The following HSPG2 variants were observed in gnomAD, a reference collection of about 807,000 sequenced individuals.
HSPG2 encodes the protein heparan sulfate proteoglycan 2, also known as basement membrane-specific heparan sulfate proteoglycan core protein.
Under a neutral mutation model 526.6 loss-of-function variants are expected in HSPG2, and 278 were observed. The observed-to-expected ratio is 0.53, with a 90% CI of 0.48 to 0.58. The LOEUF (loss-of-function observed/expected upper bound fraction) is 0.58, where lower values mean the gene tolerates loss of function less well. HSPG2 is among the 20% of genes least tolerant of loss of function. The probability of loss-of-function intolerance (pLI) is 0.00; values close to 1 mark genes in which losing one functional copy is unlikely to be tolerated. For synonymous variants in HSPG2, 2,465 were observed against 2,555.4 expected (o/e 0.96, Z 1.07); for missense variants, 5,354 against 6,099.5 (o/e 0.88, Z 4.07).
intron 3 of HSPG2, among the ~76,000 whole-genome samples, chr1:21,894,468 G>A (rs1256241064): frequency 6.6e-6 from 1 of 152,170 alleles, no homozygotes; most frequent in Non-Finnish European, 1.5e-5. Flanking sequence ...CCCAAGGGCA[G>A]CTGGCAGGAG....
Position 21,824,869 on chromosome 1 carries a change from A to C in HSPG2, c.12590-90T>G, listed in dbSNP as rs1414840520. On this transcript the variant is annotated intron_variant, in intron 91 of 96. Transcript: ENST00000374695. This position sits in a 1 kb window ranked among gnomAD's most constrained non-coding sequence, Gnocchi z 5.9. ...CCCTGACCCCCACCTCCACGCCAAC[A>C]TGCAGGACTAGGGGGCTCCGAGCCT... 5.1e-6 allele frequency: 6 copies of C among 1,187,794 alleles called. No homozygotes were observed. Among genetic ancestry groups the C allele is most frequent in the South Asian group, 1.3e-5 (1 of 76,498 alleles). 73.6% of individuals were successfully genotyped at this position (1,187,794 alleles called of 1,614,324 possible).
At chr1:21,922,082 G>A (rs1238317737) in intron 1 of HSPG2, among the ~76,000 whole-genome samples, 2 of 152,178 alleles carry the variant, frequency 1.3e-5, no homozygotes, top group Non-Finnish European at 1.5e-5. Context: ...GGGCTCTCTC[G>A]AAGGAGGAAA....
rs769131976 is a variant in HSPG2 at position 21,857,052 on chromosome 1, A to G, written c.5538T>C (p.Phe1846=). ...GAGTGGCTGTGCCCTGGTCCATGGC[A>G]AACATGTTGGAGCCGGTGCACACGT... ...GTYVCTGSNM[F]AMDQGTATLH... is the part of the protein sequence containing the mutation. The change falls in exon 44 of 97, where the codon TTT becomes TTC. Residue 1846 remains phenylalanine, a synonymous_variant. Coordinates refer to ENST00000374695, the MANE Select transcript of HSPG2 (RefSeq NM_005529.7). 3 of 1,614,208 alleles carry G rather than the reference A, an allele frequency of 1.9e-6. No individual in the cohort carries two copies. The East Asian group carries it at 6.7e-5, about 36-fold the overall frequency.
intron 19 of HSPG2, 36 bp downstream of exon 19, chr1:21,878,541 A>C (rs2152751700): frequency 6.2e-7 from 1 of 1,613,854 alleles, no homozygotes; most frequent in South Asian, 1.1e-5. Flanking sequence ...CCCACCCAGG[A>C]GCCCCCTTCC....
rs368430410 is a variant in HSPG2, at chr1:21,896,287, G to A, written c.87C>T (p.Tyr29=). ...LLAVTHGLRA[Y]DGLSLPEDIE... is the part of the protein sequence containing the mutation. Reference sequence around the variant, plus strand: ...TGTCCTCAGGCAGAGACAAGCCATCGTATGCCCTCAGCCCATGGGTCACCT... The same window carrying A: ...TGTCCTCAGGCAGAGACAAGCCATCATATGCCCTCAGCCCATGGGTCACCT... Residue 29 remains tyrosine, a synonymous_variant, in exon 2 of 97, where the codon TAC becomes TAT. Coordinates refer to ENST00000374695, the MANE Select transcript of HSPG2 (RefSeq NM_005529.7). The A allele has an allele frequency of 2.2e-4, 359 of 1,613,526 alleles. 1 individual carries two copies. The highest frequency in any genetic ancestry group is 1.7e-4 in the Middle Eastern group (1 of 6,060).
At position 21,874,640 on chromosome 1, in the gene HSPG2, G is replaced by A. The variant is rs142789492; in HGVS notation, c.3504C>T (p.Cys1168=). 4.3e-5 allele frequency: 70 copies of A among 1,613,608 alleles called. No individual in the cohort carries two copies. The highest frequency in any genetic ancestry group is 8.9e-5 in the East Asian group (4 of 44,870). ...RCSCHGHSEA[C]EPETGACQGC... is the part of the protein sequence containing the mutation. ...CCTGGCAGGCACCTGTTTCTGGCTC[G>A]CAGGCCTCTGAGTGGCCATGGCAGC... is the stretch of plus-strand genomic sequence containing the variant. Residue 1168 remains cysteine, a synonymous_variant, in exon 27 of 97, where the codon TGC becomes TGT. Transcript: ENST00000374695.
In HSPG2 at chr1:21,884,574, G is replaced by A. The variant is rs1641739600; in HGVS notation, c.1608C>T (p.Phe536=). ...CAAAGCGCAGCCTGATCTGGTCCCG[G>A]AAGCGGCGGGTGCTCTGGCACACGC... ...ITSVCQSTRR[F]RDQIRLRFDQ... The change falls in exon 13 of 97, where the codon TTC becomes TTT. Residue 536 remains phenylalanine, a synonymous_variant. Transcript: ENST00000374695. The A allele has an allele frequency of 6.2e-7, 1 of 1,610,810 alleles. No homozygotes were observed. Among genetic ancestry groups the A allele is most frequent in the Admixed American group, 1.7e-5 (1 of 59,998 alleles).
chr1:21,933,878 C>T (rs570690836), intron 1 of HSPG2, among the ~76,000 whole-genome samples: 11 of 152,340 alleles, frequency 7.2e-5, no homozygotes, highest in African/African-American at 2.2e-4. Context: ...GCTGAGGGAC[C>T]GCCAGGAAGG....
Position 21,848,653 on chromosome 1 carries a change from C to T in HSPG2, c.7727G>A (p.Ser2576Asn), listed in dbSNP as rs937493496. 1.9e-6 allele frequency: 3 copies of T among 1,613,248 alleles called. No homozygotes were observed. The African/African-American group carries it at 4.0e-5, about 22-fold the overall frequency. ...CTGCTGGCCCTGTACCTGGTGCCGG[C>T]TGGGTAAGCTGCCTCCACGCTTATA... ...TWYKRGGSLP[S>N]RHQIVGSRLR... The change falls in exon 59 of 97, where the codon AGC (serine) becomes AAC (asparagine). Residue 2576 changes from serine to asparagine, a missense_variant. By Grantham distance (46) the Ser-to-Asn change is conservative (BLOSUM62 1). Transcript: ENST00000374695. The surrounding 1 kb of genome is among the most constrained non-coding windows in gnomAD (Gnocchi z 4.9).
At chr1:21,851,295 T>A (rs1439956126) in intron 55 of HSPG2, 10 of 573,858 alleles carry the variant, frequency 1.7e-5, no homozygotes, top group Non-Finnish European at 3.1e-5. Flanking sequence ...TGTTACCATT[T>A]TATAGGCCCT....
At chr1:21,879,496 C>T (rs964300581) in intron 17 of HSPG2, among the ~76,000 whole-genome samples, 1 of 152,196 alleles carries the variant, frequency 6.6e-6, no homozygotes, top group Non-Finnish European at 1.5e-5. Flanking sequence ...TCCCAGCTCT[C>T]GCCACTATTC....
rs1463012656 is a variant in HSPG2, at chr1:21,876,338, T to G, written c.2894A>C (p.Asn965Thr). The G allele has an allele frequency of 3.1e-6, 5 of 1,613,728 alleles. No individual in the cohort carries two copies. The highest frequency in any genetic ancestry group is 2.7e-5 in the African/African-American group (2 of 74,890). Residue 965 changes from asparagine (N) to threonine (T), a missense_variant, in exon 23 of 97, where the codon AAC (asparagine) becomes ACC (threonine). Coordinates refer to ENST00000374695, the MANE Select transcript of HSPG2 (RefSeq NM_005529.7). ...LTNAASTHTT[N>T]EGIFSPTPGE... is the part of the protein sequence containing the mutation. ...GGGCGTGGGGGAGAAGATGCCCTCG[T>G]TGGTGGTGTGGGTGCTTGCGGCGTT... is the stretch of plus-strand genomic sequence containing the variant.
chr1:21,837,561 T>C (rs1003758012), intron 74 of HSPG2, among the ~76,000 whole-genome samples: 7 of 151,794 alleles, frequency 4.6e-5, no homozygotes, highest in Non-Finnish European at 1.0e-4. Flanking sequence ...GGTGCTAGGA[T>C]TACAGGCGTG....
At position 21,908,376 on chromosome 1, in the gene HSPG2, T is replaced by C. The variant is rs1487211433; in HGVS notation, c.64-12066A>G. 7.4e-6 allele frequency: 8 copies of C among 1,076,440 alleles called. No individual in the cohort carries two copies. The East Asian group carries it at 1.7e-4, about 23-fold the overall frequency. The allele number at this position is 1,076,440 out of a possible 1,614,324, so 66.7% of individuals were successfully genotyped here. A position where few individuals can be genotyped will look rare whatever the true frequency, so the allele number is the denominator to read the frequency against. The stretch of plus-strand genomic sequence containing the variant: ...TTGCCAAGAGAATTAATGTGCGTAT[T>C]GAGCACATTAAGCACTCTGAGAGCC... On this transcript the variant is annotated intron_variant, in intron 1 of 96. Transcript: ENST00000374695.
chr1:21,864,802 C>G lies in HSPG2; in HGVS notation c.4626+41G>C, dbSNP rs766937967. ...CCGGCTGATTTGCTTGCTGATGCCT[C>G]TGTGCCTGTGCAGAGGTGGTGGAGC... On this transcript the variant is annotated intron_variant, in intron 36 of 96. Transcript: ENST00000374695. This position sits in a 1 kb window ranked among gnomAD's most constrained non-coding sequence, Gnocchi z 4.8. 3.9e-6 allele frequency: 6 copies of G among 1,536,544 alleles called. No homozygotes were observed. Among genetic ancestry groups the G allele is most frequent in the South Asian group, 1.2e-5 (1 of 86,240 alleles).
intron 64 of HSPG2, among the ~76,000 whole-genome samples, chr1:21,844,503 C>T (rs751485382): frequency 1.3e-4 from 20 of 152,226 alleles, no homozygotes; most frequent in Non-Finnish European, 2.5e-4. Flanking sequence ...GGCAATGGCC[C>T]CACCATCTCC....
chr1:21,839,012 C>T lies in HSPG2; in HGVS notation c.9963G>A (p.Leu3321=), dbSNP rs1557691386. 5.6e-6 allele frequency: 9 copies of T among 1,608,300 alleles called. No homozygotes were observed. The highest frequency in any genetic ancestry group is 7.7e-6 in the Non-Finnish European group (9 of 1,175,426). ...QAGETVQLQC[L]AHGTPPLTFQ... ...AGGTGAGTGGGGGTGTCCCGTGAGC[C>T]AGGCACTGGAGCTGCACCGTCTCCC... is the stretch of plus-strand genomic sequence containing the variant. The change falls in exon 74 of 97, where the codon CTG becomes CTA. Residue 3321 remains leucine, a synonymous_variant. Coordinates refer to ENST00000374695, the MANE Select transcript of HSPG2 (RefSeq NM_005529.7). This position sits in a 1 kb window ranked among gnomAD's most constrained non-coding sequence, Gnocchi z 4.5.
At chr1:21,849,778 C>T (rs2152716229) in intron 57 of HSPG2, among the ~76,000 whole-genome samples, 1 of 152,182 alleles carries the variant, frequency 6.6e-6, no homozygotes, top group East Asian at 1.9e-4. Flanking sequence ...CTCCTGGGTT[C>T]AGGCGATTCT....
chr1:21,824,888 C>T lies in HSPG2; in HGVS notation c.12590-109G>A, dbSNP rs1347471387. ...GCCAACATGCAGGACTAGGGGGCTC[C>T]GAGCCTGCAGTCCCTGGGGACCCAC... On this transcript the variant is annotated intron_variant, in intron 91 of 96. Coordinates refer to ENST00000374695, the MANE Select transcript of HSPG2 (RefSeq NM_005529.7). This position sits in a 1 kb window ranked among gnomAD's most constrained non-coding sequence, Gnocchi z 5.9. 21 of 1,033,152 alleles carry T rather than the reference C, an allele frequency of 2.0e-5. 1 individual carries two copies. Among genetic ancestry groups the T allele is most frequent in the South Asian group, 1.2e-4 (9 of 73,058 alleles). 64.0% of individuals were successfully genotyped at this position (1,033,152 alleles called of 1,614,324 possible). A position where few individuals can be genotyped will look rare whatever the true frequency, so the allele number is the denominator to read the frequency against.
Sources: allele counts gnomAD v4.1 joint callset (sites outside exome capture counted in the v4.1 genomes callset), GRCh38; gene constraint gnomAD v4.1.1; non-coding constraint Gnocchi (gnomAD v3.1); transcripts MANE v1.5; gene names NCBI Gene and HGNC (gene_info 2026-07-23, HGNC 2026-07-21).